TECTA: variants seen among roughly 807,000 people sequenced by gnomAD.
TECTA encodes tectorin alpha.
Under a neutral mutation model 216.8 loss-of-function variants are expected in TECTA, and 128 were observed. The ratio of observed to expected loss-of-function variants is 0.59; its 90% CI spans 0.51 to 0.68. The LOEUF is 0.68. Ranked by LOEUF, TECTA falls within the 30% of genes least tolerant of loss-of-function variation. The pLI, the probability that TECTA is intolerant of heterozygous loss-of-function variation, is 0.00. For missense variants in TECTA, 2,551 were observed against 2,786.2 expected (o/e 0.92, Z 1.90); for synonymous variants, 1,089 against 1,117.1 (o/e 0.97, Z 0.50).
Position 121,168,200 on chromosome 11 carries a change from T to C in TECTA, c.5733T>C (p.Val1911=). 1 of 1,614,238 alleles carries C rather than the reference T, an allele frequency of 6.2e-7. No homozygotes were observed. Among genetic ancestry groups the C allele is most frequent in the Non-Finnish European group, 8.5e-7 (1 of 1,180,034 alleles). ...ATATCAAGATCTCCTTGGATTCTGT[T>C]GTGAAGCCTATGCTAAGGTAAGGTG... ...ELDIKISLDS[V]VKPMLSVINL... is the part of the protein sequence containing the mutation. Residue 1911 remains valine, a synonymous_variant, in exon 19 of 24, where the codon GTT becomes GTC. Transcript: ENST00000392793.
chr11:121,155,486 A>T (rs1946932174), intron 13 of TECTA, among the ~76,000 whole-genome samples: 1 of 152,180 alleles, frequency 6.6e-6, no homozygotes. Context: ...TCCAGGAATG[A>T]CTTCACTTTG....
intron 11 of TECTA, among the ~76,000 whole-genome samples, chr11:121,139,936 G>A (rs1591450441): frequency 1.3e-5 from 2 of 152,088 alleles, no homozygotes; most frequent in African/African-American, 4.8e-5. Context: ...TATATCGATC[G>A]TTTTGCCCAC....
rs1050647830 is a variant in TECTA, at chr11:121,164,596, T to C, written c.5273-677T>C. ...ATGATACTCCACATAACATCTTTAT[T>C]GTACTTATAGTTTTCCCCTTTTGGC... On this transcript the variant is annotated intron_variant, in intron 16 of 23. Transcript: ENST00000392793. Among the ~76,000 whole-genome samples the C allele has an allele frequency of 3.9e-5, 6 of 152,350 alleles. No homozygotes were observed. In the East Asian group the frequency reaches 1.2e-3, roughly 29 times the overall value.
At chr11:121,133,793 C>T (rs2155466) in intron 10 of TECTA, among the ~76,000 whole-genome samples, 77,633 of 152,014 alleles carry the variant, frequency 0.51, 20,383 homozygotes, top group African/African-American at 0.62. Flanking sequence ...TGGTGATGTG[C>T]ATGTTGATTC....
intron 23 of TECTA, 94 bp downstream of exon 23, chr11:121,189,974 C>A: frequency 1.0e-6 from 1 of 995,750 alleles, no homozygotes; most frequent in South Asian, 1.3e-5. Context: ...GCCACTCGGT[C>A]AGCAACTCTC....
intron 13 of TECTA, among the ~76,000 whole-genome samples, chr11:121,153,891 A>G (rs1217884389): frequency 6.6e-6 from 1 of 152,210 alleles, no homozygotes; most frequent in Non-Finnish European, 1.5e-5. Context: ...TGTTTAAATG[A>G]TATCAAAACC....
intron 13 of TECTA, among the ~76,000 whole-genome samples, chr11:121,156,326 T>C (rs1015110618): frequency 7.9e-5 from 12 of 151,946 alleles, no homozygotes; most frequent in Non-Finnish European, 1.6e-4. Context: ...AGGCATGCAC[T>C]ACCATGCTGG....
chr11:121,113,544 G>T lies in TECTA; in HGVS notation c.625-9G>T, dbSNP rs1029881806. ...TACTCAAAAATCTTGTCTTCCTTTTGTGCTGCAGGCAGGATTTAATGGTGG... is the reference window on the plus strand; with the variant it reads ...TACTCAAAAATCTTGTCTTCCTTTTTTGCTGCAGGCAGGATTTAATGGTGG... On this transcript the variant is annotated splice_polypyrimidine_tract_variant and intron_variant, in intron 5 of 23. Coordinates refer to ENST00000392793, the MANE Select transcript of TECTA (RefSeq NM_005422.4). The surrounding 1 kb of genome is among the most constrained non-coding windows in gnomAD (Gnocchi z 4.2). 12 of 1,613,898 alleles carry T rather than the reference G, an allele frequency of 7.4e-6. No homozygotes were observed. In the African/African-American group the frequency reaches 1.5e-4, roughly 20 times the overall value.
chr11:121,146,182 T>C (rs1946837434), intron 12 of TECTA, 66 bp downstream of exon 12: 2 of 1,572,376 alleles, frequency 1.3e-6, no homozygotes, highest in Non-Finnish European at 1.7e-6. Context: ...GGAAGGCCAG[T>C]CTTCCAACTC....
chr11:121,186,338 G>T (rs1271395726), intron 20 of TECTA, among the ~76,000 whole-genome samples: 1 of 152,250 alleles, frequency 6.6e-6, no homozygotes, highest in Non-Finnish European at 1.5e-5. Context: ...TGTCTCTTCA[G>T]GTGCTAGACA....
rs1483077989 is a variant in TECTA, at chr11:121,189,760, G to A, written c.6251-4G>A. 1.9e-6 allele frequency: 3 copies of A among 1,613,704 alleles called. No homozygotes were observed. The highest frequency in any genetic ancestry group is 2.5e-6 in the Non-Finnish European group (3 of 1,179,728). On this transcript the variant is annotated splice_region_variant and splice_polypyrimidine_tract_variant and intron_variant, in intron 22 of 23. Coordinates refer to ENST00000392793, the MANE Select transcript of TECTA (RefSeq NM_005422.4). Reference sequence around the variant, plus strand: ...AGTTAATCTTCCTAACTGCTCTTTTGTAGGGCTGGACTGGTGTGAGGACAA... The same window carrying A: ...AGTTAATCTTCCTAACTGCTCTTTTATAGGGCTGGACTGGTGTGAGGACAA...
chr11:121,113,173 C>T lies in TECTA; in HGVS notation c.588C>T (p.Gly196=), dbSNP rs886047836. 2 of 1,613,960 alleles carry T rather than the reference C, an allele frequency of 1.2e-6. No individual in the cohort carries two copies. The highest frequency in any genetic ancestry group is 1.7e-6 in the Non-Finnish European group (2 of 1,179,978). ...GGACCACGGGGACGGCGAGTGGCGG[C>T]GACCCCCTGACAGGTCTTGGTGGAG... The part of the protein sequence containing the change: ...INWTTGTASG[G]DPLTGLGGVM... Residue 196 remains glycine (G), a synonymous_variant, in exon 5 of 24, where the codon GGC becomes GGT. Coordinates refer to ENST00000392793, the MANE Select transcript of TECTA (RefSeq NM_005422.4). The surrounding 1 kb of genome is among the most constrained non-coding windows in gnomAD (Gnocchi z 4.2).
chr11:121,139,257 T>C (rs1946760625), intron 11 of TECTA, among the ~76,000 whole-genome samples: 1 of 152,244 alleles, frequency 6.6e-6, no homozygotes, highest in South Asian at 2.1e-4. Context: ...TCAGGCTGTA[T>C]TTTTCGTGAT....
chr11:121,125,165 C>T, intron 7 of TECTA, 137 bp from the exon 8 acceptor site: 1 of 881,450 alleles, frequency 1.1e-6, no homozygotes, highest in Non-Finnish European at 1.8e-6. Context: ...CAGAGGGAAG[C>T]CCACTGGAGC....
At chr11:121,170,125 T>C (rs961246739) in intron 20 of TECTA, among the ~76,000 whole-genome samples, 1 of 152,204 alleles carries the variant, frequency 6.6e-6, no homozygotes, top group Admixed American at 6.5e-5. Context: ...CCTGCCTGGC[T>C]TATTTCACTT....
Position 121,172,795 on chromosome 11 carries a change from A to C in TECTA, c.5999+3870A>C, listed in dbSNP as rs180814941. Among the ~76,000 whole-genome samples, 871 of 152,230 alleles carry C rather than the reference A, an allele frequency of 5.7e-3. 6 individuals carry two copies. The highest frequency in any genetic ancestry group is 0.044 in the Middle Eastern group (13 of 294). Reference sequence around the variant, plus strand: ...TTCTGCAAGGGTTGAACTAGTTTACAGTCCCACCAACAGTGTAAAAGTGTT... The same window carrying C: ...TTCTGCAAGGGTTGAACTAGTTTACCGTCCCACCAACAGTGTAAAAGTGTT... On this transcript the variant is annotated intron_variant, in intron 20 of 23. Transcript: ENST00000392793.
At chr11:121,115,270 C>T (rs1048373813) in intron 6 of TECTA, among the ~76,000 whole-genome samples, 9 of 152,172 alleles carry the variant, frequency 5.9e-5, no homozygotes, top group African/African-American at 2.2e-4. Context: ...CCAACCCATC[C>T]ATCAAGTCAT....
intron 10 of TECTA, 88 bp from the exon 11 acceptor site, chr11:121,137,333 T>A: frequency 6.4e-7 from 1 of 1,555,198 alleles, no homozygotes; most frequent in Non-Finnish European, 8.8e-7. Flanking sequence ...CAAACACACA[T>A]GCACTCATAC....
chr11:121,164,368 A>AAC (rs1947030391), intron 16 of TECTA, among the ~76,000 whole-genome samples: 1 of 152,200 alleles, frequency 6.6e-6, no homozygotes, highest in Admixed American at 6.5e-5. Flanking sequence ...GCTGGGATTG[A>AAC]ACAGTTGTTT....
Sources: allele counts gnomAD v4.1 joint callset (sites outside exome capture counted in the v4.1 genomes callset), GRCh38; gene constraint gnomAD v4.1.1; non-coding constraint Gnocchi (gnomAD v3.1); transcripts MANE v1.5; gene names NCBI Gene and HGNC (gene_info 2026-07-23, HGNC 2026-07-21).